ITGA11: variants seen among roughly 807,000 people sequenced by gnomAD.
ITGA11 encodes integrin alpha-11.
ITGA11 carries 97 observed loss-of-function variants against 141.9 expected under a neutral mutation model. The observed-to-expected ratio is 0.68, with a 90% confidence interval of 0.58 to 0.81. The LOEUF (loss-of-function observed/expected upper bound fraction) is 0.81. Ranked by LOEUF, ITGA11 falls within the 30% of genes least tolerant of loss-of-function variation. ITGA11 has a pLI of 0.00. For synonymous variants in ITGA11, 658 were observed against 624.6 expected (o/e 1.05, Z -0.80); for missense variants, 1,387 against 1,559.2 (o/e 0.89, Z 1.86).
At chr15:68,351,928 C>T (rs992276210) in intron 7 of ITGA11, among the ~76,000 whole-genome samples, 1 of 151,960 alleles carries the variant, frequency 6.6e-6, no homozygotes, top group Non-Finnish European at 1.5e-5. Flanking sequence ...ACTAAAAATA[C>T]AAAAATTAGC....
intron 2 of ITGA11, among the ~76,000 whole-genome samples, chr15:68,387,597 A>G (rs1012943441): frequency 6.6e-6 from 1 of 152,186 alleles, no homozygotes; most frequent in Non-Finnish European, 1.5e-5. Flanking sequence ...ACATGACAGT[A>G]AAGCCTTGCA....
intron 1 of ITGA11, among the ~76,000 whole-genome samples, chr15:68,426,748 G>A (rs959635705): frequency 3.9e-5 from 6 of 152,078 alleles, no homozygotes; most frequent in African/African-American, 1.2e-4. Context: ...ATTAAAAGCA[G>A]TGGCCCTTCT....
intron 1 of ITGA11, among the ~76,000 whole-genome samples, chr15:68,403,408 TCTCA>T (rs1263555352): frequency 2.0e-5 from 3 of 151,994 alleles, no homozygotes; most frequent in Non-Finnish European, 4.4e-5. Context: ...ATGAGTGAGT[TCTCA>T]CTCTAAGTTC....
In ITGA11 at chr15:68,304,725, C is replaced by A. The variant is rs923800546; in HGVS notation, c.3382-840G>T. On this transcript the variant is annotated intron_variant, in intron 28 of 29. Transcript: ENST00000315757. This position sits in a 1 kb window ranked among gnomAD's most constrained non-coding sequence, Gnocchi z 6.1. ...CCCCAGCCCCCGAAGCCTGCTCTTT[C>A]CAGCTCTTTCTCACCTAAGCAAATG... Among the ~76,000 whole-genome samples the A allele has an allele frequency of 1.3e-5, 2 of 152,206 alleles. No homozygotes were observed. The highest frequency in any genetic ancestry group is 2.9e-5 in the Non-Finnish European group (2 of 68,040).
intron 10 of ITGA11, among the ~76,000 whole-genome samples, chr15:68,341,311 C>T (rs894653670): frequency 2.6e-4 from 39 of 152,230 alleles, no homozygotes; most frequent in Non-Finnish European, 5.9e-5. Context: ...ATTCGCTGTC[C>T]ACAAAGTCAC....
chr15:68,353,472 A>G (rs908450544), intron 7 of ITGA11, among the ~76,000 whole-genome samples: 1 of 152,200 alleles, frequency 6.6e-6, no homozygotes, highest in African/African-American at 2.4e-5. Flanking sequence ...CCCAGGAATA[A>G]AACACCCTGC....
At chr15:68,361,828 G>A in intron 4 of ITGA11, 124 bp from the exon 5 acceptor site, 1 of 649,912 alleles carries the variant, frequency 1.5e-6, no homozygotes, top group Non-Finnish European at 2.7e-6. Context: ...GGGGTGAGGG[G>A]GTGAGGGATC....
chr15:68,316,622 TTC>T (rs1368300225), intron 21 of ITGA11, among the ~76,000 whole-genome samples: 1 of 152,176 alleles, frequency 6.6e-6, no homozygotes, highest in African/African-American at 2.4e-5. Flanking sequence ...TCCCATTTCT[TTC>T]TCTTTCCCCA....
chr15:68,412,137 G>C (rs1896784205), intron 1 of ITGA11, among the ~76,000 whole-genome samples: 1 of 152,172 alleles, frequency 6.6e-6, no homozygotes, highest in South Asian at 2.1e-4. Flanking sequence ...CATTATTATA[G>C]CAATTGATAA....
At chr15:68,397,935 T>C (rs1896363282) in intron 2 of ITGA11, among the ~76,000 whole-genome samples, 1 of 149,276 alleles carries the variant, frequency 6.7e-6, no homozygotes, top group Non-Finnish European at 1.5e-5. Context: ...ATAAAATACT[T>C]TACAGACAAG....
intron 1 of ITGA11, among the ~76,000 whole-genome samples, chr15:68,431,480 G>C (rs1039940639): frequency 6.6e-6 from 1 of 152,210 alleles, no homozygotes; most frequent in Non-Finnish European, 1.5e-5. Flanking sequence ...GCTTTGCTCT[G>C]TCTTTGGCCG....
Position 68,312,806 on chromosome 15 carries a change from A to G in ITGA11, c.2940T>C (p.Asp980=). The change falls in exon 24 of 30, where the codon GAT becomes GAC. Residue 980 remains aspartate (D), a synonymous_variant. Coordinates refer to ENST00000315757, the MANE Select transcript of ITGA11 (RefSeq NM_001004439.2). The part of the protein sequence containing the change: ...VKPNSSLERY[D]GIGPPFSCIF... ...TGCAGCTGAAGGGAGGCCCGATACC[A>G]TCGTATCTCTCCAGCGAGCTGTTGG... The G allele has an allele frequency of 1.2e-6, 2 of 1,613,682 alleles. No individual in the cohort carries two copies. The highest frequency in any genetic ancestry group is 1.1e-5 in the South Asian group (1 of 91,070).
intron 3 of ITGA11, among the ~76,000 whole-genome samples, chr15:68,366,262 G>C (rs767106940): frequency 1.3e-5 from 2 of 152,156 alleles, no homozygotes; most frequent in Non-Finnish European, 2.9e-5. Context: ...GACCCCTCAC[G>C]GTCCTGGGAG....
At chr15:68,361,870 G>A in intron 4 of ITGA11, 166 bp from the exon 5 acceptor site, 1 of 586,028 alleles carries the variant, frequency 1.7e-6, no homozygotes. Flanking sequence ...CTCTCTTGCT[G>A]CAATGTGTAC....
intron 1 of ITGA11, among the ~76,000 whole-genome samples, chr15:68,412,927 C>T (rs1408618695): frequency 4.6e-5 from 7 of 152,048 alleles, no homozygotes; most frequent in East Asian, 3.9e-4. Flanking sequence ...CTACCTGCCT[C>T]GGCCTCCCAA....
chr15:68,305,887 A>G lies in ITGA11; in HGVS notation c.3381+1461T>C. 6.6e-6 allele frequency among the ~76,000 whole-genome samples: 1 copy of G among 152,088 alleles called. No individual in the cohort carries two copies. The highest frequency in any genetic ancestry group is 2.4e-5 in the African/African-American group (1 of 41,418). ...TTAATTTTGGGGTTGCTGGATTTCT[A>G]AAAGAGAAATGAGGCATGGCCGGGC... On this transcript the variant is annotated intron_variant, in intron 28 of 29. Transcript: ENST00000315757. This position sits in a 1 kb window ranked among gnomAD's most constrained non-coding sequence, Gnocchi z 4.6.
intron 10 of ITGA11, among the ~76,000 whole-genome samples, chr15:68,343,918 AGGAGGG>A (rs1330658809): frequency 9.2e-5 from 14 of 152,062 alleles, no homozygotes; most frequent in South Asian, 4.1e-4. Flanking sequence ...CTTTCTGTGG[AGGAGGG>A]GCCCTCACCA....
chr15:68,358,422 C>A (rs1271719525), intron 6 of ITGA11, 36 bp downstream of exon 6: 1 of 1,574,126 alleles, frequency 6.4e-7, no homozygotes, highest in Admixed American at 1.8e-5. Context: ...TTGGGTGGCC[C>A]TGTTCAGAAG....
At chr15:68,348,973 C>A in intron 9 of ITGA11, 73 bp from the exon 10 acceptor site, 1 of 1,323,420 alleles carries the variant, frequency 7.6e-7, no homozygotes. Context: ...GCTGCCCAAC[C>A]CACAGCTCCT....
Sources: allele counts gnomAD v4.1 joint callset (sites outside exome capture counted in the v4.1 genomes callset), GRCh38; gene constraint gnomAD v4.1.1; non-coding constraint Gnocchi (gnomAD v3.1); transcripts MANE v1.5; gene names NCBI Gene and HGNC (gene_info 2026-07-23, HGNC 2026-07-21).